Variants in KLHL1 observed in about 807,000 individuals in gnomAD.
The protein encoded by KLHL1 is kelch like family member 1.
In KLHL1, 47 loss-of-function variants were observed where a neutral mutation model predicts 77.7. That is an observed-to-expected ratio of 0.60 (90% CI 0.48 to 0.77). KLHL1 has a LOEUF of 0.77. Ranked by LOEUF, KLHL1 falls within the 30% of genes least tolerant of loss-of-function variation. The pLI, the probability that KLHL1 is intolerant of heterozygous loss-of-function variation, is 0.00. For synonymous variants in KLHL1, 360 were observed against 325.2 expected, an observed-to-expected ratio of 1.11 and a Z score of -1.15; for missense variants, 925 against 910.8, an observed-to-expected ratio of 1.02 and a Z score of -0.20.
At chr13:69,796,165 T>A (rs1877096787) in intron 7 of KLHL1, among the ~76,000 whole-genome samples, 1 of 152,196 alleles carries the variant, frequency 6.6e-6, no homozygotes, top group South Asian at 2.1e-4. Context: ...AAATTAAGAC[T>A]AGTAAACACA....
chr13:70,048,650 T>A (rs1025527439), intron 1 of KLHL1, among the ~76,000 whole-genome samples: 7 of 152,224 alleles, frequency 4.6e-5, no homozygotes, highest in Admixed American at 1.3e-4. Flanking sequence ...ATCCCTCACA[T>A]GCGCAGTTCA....
intron 6 of KLHL1, among the ~76,000 whole-genome samples, chr13:69,803,299 A>G (rs974617776): frequency 4.7e-5 from 6 of 128,928 alleles, no homozygotes; most frequent in African/African-American, 1.9e-4. Flanking sequence ...TCAATTTTAC[A>G]TAATAAAAAC....
intron 6 of KLHL1, among the ~76,000 whole-genome samples, chr13:69,837,614 C>CTCTCTATATA (rs570243891): frequency 7.3e-6 from 1 of 136,560 alleles, no homozygotes; most frequent in African/African-American, 3.0e-5. Flanking sequence ...ATCTCTCTCT[C>CTCTCTATATA]TATATATATG....
chr13:69,836,940 A>G (rs2138104399), intron 6 of KLHL1, among the ~76,000 whole-genome samples: 1 of 152,102 alleles, frequency 6.6e-6, no homozygotes, highest in African/African-American at 2.4e-5. Context: ...AAAATTAAAT[A>G]CAAAAATTTC....
At chr13:69,991,698 A>C (rs1347342364) in intron 1 of KLHL1, among the ~76,000 whole-genome samples, 1 of 151,806 alleles carries the variant, frequency 6.6e-6, no homozygotes, top group Non-Finnish European at 1.5e-5. Flanking sequence ...GCCTGGGACC[A>C]GATGGATTCA....
intron 4 of KLHL1, among the ~76,000 whole-genome samples, chr13:69,893,342 C>G (rs1053363295): frequency 6.6e-6 from 1 of 150,822 alleles, no homozygotes; most frequent in Admixed American, 6.6e-5. Flanking sequence ...TCACGCCATT[C>G]TCCTGCCTCA....
intron 7 of KLHL1, among the ~76,000 whole-genome samples, chr13:69,746,819 G>C (rs1874236580): frequency 6.6e-6 from 1 of 151,926 alleles, no homozygotes; most frequent in Non-Finnish European, 1.5e-5. Context: ...AGGAAAAAAG[G>C]TATTCTGAAG....
In KLHL1 at chr13:70,084,461, C is replaced by CTTTTTTTTTTTTTTTT. The variant is rs1324246935; in HGVS notation, c.497+22741_497+22742insAAAAAAAAAAAAAAAA. Among the ~76,000 whole-genome samples, 146 of 115,106 alleles carry CTTTTTTTTTTTTTTTT rather than the reference C, an allele frequency of 1.3e-3. 9 individuals carry two copies. Among genetic ancestry groups the CTTTTTTTTTTTTTTTT allele is most frequent in the African/African-American group, 1.5e-3 (44 of 28,462 alleles). The allele number at this position is 115,106 out of a possible 152,430, so 75.5% of individuals were successfully genotyped here. ...GATATTTTCTAGTCTATTTCTTCTT[C>CTTTTTTTTTTTTTTTT]TTCTTTTTTTTTTTTTGAGACGGAG... On this transcript the variant is annotated intron_variant, in intron 1 of 10. Coordinates refer to ENST00000377844, the MANE Select transcript of KLHL1 (RefSeq NM_020866.3).
intron 7 of KLHL1, among the ~76,000 whole-genome samples, chr13:69,742,158 A>T (rs184992312): frequency 5.4e-4 from 83 of 152,324 alleles, no homozygotes; most frequent in South Asian, 4.1e-4. Flanking sequence ...GGTTAATTGA[A>T]ACCTGTACAT....
At chr13:69,737,198 C>T (rs1873799740) in intron 8 of KLHL1, among the ~76,000 whole-genome samples, 1 of 152,206 alleles carries the variant, frequency 6.6e-6, no homozygotes, top group South Asian at 2.1e-4. Context: ...AGGAGGTCCC[C>T]TCATGAGCCC....
At chr13:69,764,288 GTTTTCTGTACATCACTTTCCT>G (rs1190264015) in intron 7 of KLHL1, among the ~76,000 whole-genome samples, 19 of 152,208 alleles carry the variant, frequency 1.2e-4, no homozygotes, top group Middle Eastern at 6.8e-3. Flanking sequence ...TCCATACACT[GTTTTCTGTACATCACTTTCCT>G]TTTTCTGTAC....
intron 1 of KLHL1, among the ~76,000 whole-genome samples, chr13:69,980,616 C>G (rs1884678755): frequency 6.6e-6 from 1 of 152,304 alleles, no homozygotes; most frequent in African/African-American, 2.4e-5. Flanking sequence ...ACTACTCCTT[C>G]AGAATACAGT....
intron 1 of KLHL1, among the ~76,000 whole-genome samples, chr13:70,101,041 C>T (rs1361070280): frequency 6.6e-6 from 1 of 152,012 alleles, no homozygotes; most frequent in East Asian, 1.9e-4. Flanking sequence ...ACATGAGAAG[C>T]ATAATACCTG....
chr13:70,015,195 C>A (rs9542160), intron 1 of KLHL1, among the ~76,000 whole-genome samples: 48,530 of 151,920 alleles, frequency 0.32, 9,184 homozygotes, highest in South Asian at 0.44. Context: ...TTGTGAACAT[C>A]ATAGAGTGGA....
At chr13:69,714,181 T>A (rs900908510) in intron 9 of KLHL1, among the ~76,000 whole-genome samples, 39 of 152,272 alleles carry the variant, frequency 2.6e-4, no homozygotes, top group Admixed American at 1.2e-3. Flanking sequence ...GCAAAAAAAA[T>A]TTTAAAGTTA....
intron 3 of KLHL1, among the ~76,000 whole-genome samples, chr13:69,942,541 CT>C: frequency 6.6e-6 from 1 of 151,932 alleles, no homozygotes; most frequent in East Asian, 1.9e-4. Flanking sequence ...TAAGAAAGTC[CT>C]TTATGCATAA....
At chr13:70,050,111 A>C (rs1463915022) in intron 1 of KLHL1, among the ~76,000 whole-genome samples, 7 of 151,980 alleles carry the variant, frequency 4.6e-5, no homozygotes, top group Non-Finnish European at 5.9e-5. Context: ...AGCAGATGAC[A>C]CTATAAAAAA....
At chr13:70,037,446 T>C (rs1306659148) in intron 1 of KLHL1, among the ~76,000 whole-genome samples, 1 of 152,134 alleles carries the variant, frequency 6.6e-6, no homozygotes, top group Non-Finnish European at 1.5e-5. Context: ...ATCAGGGTCT[T>C]CCTTCTGTCT....
intron 1 of KLHL1, among the ~76,000 whole-genome samples, chr13:70,090,870 AAAT>A (rs1887655055): frequency 6.6e-6 from 1 of 152,146 alleles, no homozygotes; most frequent in African/African-American, 2.4e-5. Context: ...TAGAAATTAA[AAAT>A]AATATGATGG....
Sources: gnomAD v4.1 joint callset for allele counts (sites outside exome capture counted in the v4.1 genomes callset) on GRCh38, gnomAD v4.1.1 for gene constraint, MANE v1.5 for transcripts, NCBI Gene and HGNC (gene_info 2026-07-23, HGNC 2026-07-21) for gene names.